The following KIAA0513 variants were observed in gnomAD, a reference collection of about 807,000 sequenced individuals.
KIAA0513 encodes uncharacterized protein KIAA0513.
A neutral mutation model predicts 56.5 loss-of-function variants in KIAA0513; 39 were observed. The observed-to-expected ratio is 0.69, with a 90% confidence interval of 0.53 to 0.90. The LOEUF is 0.90. Among genes scored for constraint, KIAA0513 ranks in the 40% least tolerant of loss-of-function variants. KIAA0513 has a pLI of 0.00. For synonymous variants in KIAA0513, 268 were observed against 215.6 expected, an observed-to-expected ratio of 1.24 and a Z score of -2.13; for missense variants, 591 against 535.2, an observed-to-expected ratio of 1.10 and a Z score of -1.03.
At chr16:85,079,031 A>T (rs759670271) in intron 8 of KIAA0513, 28 bp downstream of exon 8, 1 of 1,613,926 alleles carries the variant, frequency 6.2e-7, no homozygotes. Flanking sequence ...GCTTCCCGTC[A>T]CCCTCTTACT....
In KIAA0513 at chr16:85,066,961, C is replaced by T. The variant is rs1296711393; in HGVS notation, c.-111C>T. 1.1e-6 allele frequency: 1 copy of T among 900,062 alleles called. No homozygotes were observed. Among genetic ancestry groups the T allele is most frequent in the African/African-American group, 1.7e-5 (1 of 59,382 alleles). The allele number at this position is 900,062 out of a possible 1,614,324, so 55.8% of individuals were successfully genotyped here. On this transcript the variant is annotated 5_prime_UTR_variant, in exon 2 of 13. Coordinates refer to ENST00000683363, the MANE Select transcript of KIAA0513 (RefSeq NM_001388359.1). Reference sequence around the variant, plus strand: ...ATTCTTGGTAGCCGGCAGTTACTGGCAACTTGTGAGCTTGGTGGGCTCCTA... The same window carrying T: ...ATTCTTGGTAGCCGGCAGTTACTGGTAACTTGTGAGCTTGGTGGGCTCCTA...
intron 1 of KIAA0513, among the ~76,000 whole-genome samples, chr16:85,042,542 A>C (rs1421574018): frequency 6.6e-6 from 1 of 152,200 alleles, no homozygotes; most frequent in South Asian, 2.1e-4. Context: ...GCAACTGTTT[A>C]ACCCTTTTAA....
At chr16:85,065,221 C>T (rs548949285) in intron 1 of KIAA0513, among the ~76,000 whole-genome samples, 56 of 152,164 alleles carry the variant, frequency 3.7e-4, no homozygotes, top group Non-Finnish European at 6.8e-4. Context: ...GTGGAAGGGC[C>T]TTGGGTTTCT....
intron 2 of KIAA0513, among the ~76,000 whole-genome samples, chr16:85,069,127 C>G (rs1286275491): frequency 6.6e-6 from 1 of 151,960 alleles, no homozygotes; most frequent in Non-Finnish European, 1.5e-5. Flanking sequence ...ATCTCCTAGG[C>G]TCAAGCAGTC....
intron 10 of KIAA0513, among the ~76,000 whole-genome samples, chr16:85,084,725 G>A (rs566633364): frequency 3.3e-5 from 5 of 150,908 alleles, no homozygotes; most frequent in South Asian, 4.2e-4. Flanking sequence ...CACTGCGCCC[G>A]GCCTAATTTT....
At chr16:85,071,908 G>T (rs772683340) in intron 3 of KIAA0513, 26 bp downstream of exon 3, 1 of 1,420,414 alleles carries the variant, frequency 7.0e-7, no homozygotes. Flanking sequence ...TGGGAAGGAT[G>T]GGCGTTTACT....
intron 1 of KIAA0513, among the ~76,000 whole-genome samples, chr16:85,051,996 A>C (rs1287995922): frequency 6.6e-6 from 1 of 151,976 alleles, no homozygotes; most frequent in Non-Finnish European, 1.5e-5. Context: ...TTATTAAATG[A>C]AAATGCCTTT....
chr16:85,085,049 C>G (rs2144102248), intron 10 of KIAA0513, among the ~76,000 whole-genome samples: 1 of 152,340 alleles, frequency 6.6e-6, no homozygotes, highest in South Asian at 2.1e-4. Context: ...CTGTACAACT[C>G]CCAAGGGAGA....
At chr16:85,066,127 C>T (rs1454759233) in intron 1 of KIAA0513, among the ~76,000 whole-genome samples, 2 of 152,176 alleles carry the variant, frequency 1.3e-5, no homozygotes, top group Non-Finnish European at 2.9e-5. Flanking sequence ...GAATAAGATG[C>T]TGGAGCCCAC....
In KIAA0513 at chr16:85,076,108, A is replaced by G. The variant is rs182679122; in HGVS notation, c.574+194A>G. Reference sequence around the variant, plus strand: ...TCATGGGGCAGGAGGTTGACTGCCCAGGGTACGAAGGAAACTCTCCTGGGG... The same window carrying G: ...TCATGGGGCAGGAGGTTGACTGCCCGGGGTACGAAGGAAACTCTCCTGGGG... On this transcript the variant is annotated intron_variant, in intron 5 of 12. Transcript: ENST00000683363. The surrounding 1 kb of genome is among the most constrained non-coding windows in gnomAD (Gnocchi z 4.7). 3.5e-3 allele frequency among the ~76,000 whole-genome samples: 534 copies of G among 151,092 alleles called. 2 individuals carry two copies. The highest frequency in any genetic ancestry group is 6.0e-3 in the Non-Finnish European group (405 of 68,010).
At chr16:85,067,711 A>C (rs1381571655) in intron 2 of KIAA0513, among the ~76,000 whole-genome samples, 1 of 152,118 alleles carries the variant, frequency 6.6e-6, no homozygotes, top group Admixed American at 6.5e-5. Context: ...CCATGCAGAG[A>C]ATCCCTGGAG....
intron 1 of KIAA0513, among the ~76,000 whole-genome samples, chr16:85,041,127 A>G (rs1334746152): frequency 6.6e-6 from 1 of 152,200 alleles, no homozygotes; most frequent in East Asian, 1.9e-4. Flanking sequence ...TTTCAGTTTT[A>G]GGGTTTTGGG....
chr16:85,061,392 CG>C (rs1482848794), intron 1 of KIAA0513, among the ~76,000 whole-genome samples: 1 of 152,050 alleles, frequency 6.6e-6, no homozygotes, highest in African/African-American at 2.4e-5. Context: ...GACCTGTGTG[CG>C]GGTTCCTTGC....
chr16:85,081,817 C>T lies in KIAA0513; in HGVS notation c.980+425C>T, dbSNP rs534429937. On this transcript the variant is annotated intron_variant, in intron 9 of 12. Transcript: ENST00000683363. The surrounding 1 kb of genome is among the most constrained non-coding windows in gnomAD (Gnocchi z 4.4). The stretch of plus-strand genomic sequence containing the variant: ...GCGCCTGGGGAATGCAGTTGCCGCT[C>T]GCAACTCACCTCTTGGGTCTGCAGC... 6.6e-6 allele frequency among the ~76,000 whole-genome samples: 1 copy of T among 152,284 alleles called. No individual in the cohort carries two copies. Among genetic ancestry groups the T allele is most frequent in the African/African-American group, 2.4e-5 (1 of 41,550 alleles).
At chr16:85,049,185 G>T (rs541803491) in intron 1 of KIAA0513, among the ~76,000 whole-genome samples, 6 of 152,396 alleles carry the variant, frequency 3.9e-5, no homozygotes, top group African/African-American at 1.4e-4. Context: ...TCACGGGTAG[G>T]CAGGGACAGA....
Position 85,077,453 on chromosome 16 carries a change from C to T in KIAA0513, c.603C>T (p.Ser201=), listed in dbSNP as rs1401050439. ...IGKPQLLPPE[S]REKPAGSIDS... is the part of the protein sequence containing the mutation. ...AACCACAGCTGCTGCCCCCGGAGTC[C>T]CGGGAGAAGCCCGCGGGCAGCATCG... The change falls in exon 6 of 13, where the codon TCC becomes TCT. Residue 201 remains serine, a synonymous_variant. Transcript: ENST00000683363. 1.2e-6 allele frequency: 2 copies of T among 1,614,172 alleles called. No individual in the cohort carries two copies. Among genetic ancestry groups the T allele is most frequent in the East Asian group, 2.2e-5 (1 of 44,860 alleles).
intron 9 of KIAA0513, 152 bp from the exon 10 acceptor site, chr16:85,082,412 A>T (rs2144091124): frequency 1.4e-6 from 1 of 721,820 alleles, no homozygotes; most frequent in East Asian, 2.8e-5. Flanking sequence ...GACTTCTAGG[A>T]AGTGAATTTA....
At chr16:85,049,490 C>T (rs982886385) in intron 1 of KIAA0513, among the ~76,000 whole-genome samples, 5 of 152,176 alleles carry the variant, frequency 3.3e-5, no homozygotes, top group African/African-American at 7.2e-5. Flanking sequence ...GATTGTATCA[C>T]GGGGGCGAAT....
intron 1 of KIAA0513, among the ~76,000 whole-genome samples, chr16:85,053,210 C>A (rs1402771189): frequency 6.6e-6 from 1 of 152,114 alleles, no homozygotes; most frequent in East Asian, 1.9e-4. Flanking sequence ...TTTAGATAAC[C>A]TCGCTAGTCA....
Sources: allele counts gnomAD v4.1 joint callset (sites outside exome capture counted in the v4.1 genomes callset), GRCh38; gene constraint gnomAD v4.1.1; non-coding constraint Gnocchi (gnomAD v3.1); transcripts MANE v1.5; gene names NCBI Gene and HGNC (gene_info 2026-07-23, HGNC 2026-07-21).